The following CRADD variants were observed in gnomAD, a reference collection of about 807,000 sequenced individuals.
CRADD encodes the protein CARD and death domain containing adaptor protein, also known as death domain-containing protein CRADD.
Under a neutral mutation model 15.5 loss-of-function variants are expected in CRADD, and 9 were observed. That is an observed-to-expected ratio of 0.58 (90% CI 0.35 to 1.01). The LOEUF (loss-of-function observed/expected upper bound fraction) is 1.01. Ranked by LOEUF, CRADD falls within the 50% of genes least tolerant of loss-of-function variation. The pLI, the probability that CRADD is intolerant of heterozygous loss-of-function variation, is 0.02. For missense variants in CRADD, 227 were observed against 250.3 expected (o/e 0.91, Z 0.63); for synonymous variants, 118 against 107.6 (o/e 1.10, Z -0.60).
At chr12:93,813,418 A>C (rs4761529) in intron 2 of CRADD, among the ~76,000 whole-genome samples, 2 of 152,262 alleles carry the variant, frequency 1.3e-5, no homozygotes, top group South Asian at 4.1e-4. Context: ...GACACACAGA[A>C]TTTCAAGTAA....
At chr12:93,791,740 CCATAGGTATAAG>C (rs1186342573) in intron 2 of CRADD, among the ~76,000 whole-genome samples, 3 of 151,808 alleles carry the variant, frequency 2.0e-5, no homozygotes, top group Non-Finnish European at 2.9e-5. Flanking sequence ...AGCTAACTAA[CCATAGGTATAAG>C]CATAGGTATA....
intron 2 of CRADD, among the ~76,000 whole-genome samples, chr12:93,803,652 A>ATCTTG (rs1298385285): frequency 6.6e-5 from 10 of 151,754 alleles, no homozygotes; most frequent in Admixed American, 4.0e-4. Context: ...AATTACTTCC[A>ATCTTG]GCTGAAATGG....
chr12:93,880,632 C>T (rs1312181500), intron 2 of CRADD, among the ~76,000 whole-genome samples: 1 of 152,040 alleles, frequency 6.6e-6, no homozygotes, highest in Non-Finnish European at 1.5e-5. Flanking sequence ...CATCTCATCC[C>T]CTCACTCTCC....
At chr12:93,806,144 T>C (rs1390638339) in intron 2 of CRADD, among the ~76,000 whole-genome samples, 2 of 152,016 alleles carry the variant, frequency 1.3e-5, no homozygotes, top group Admixed American at 6.6e-5. Context: ...CCTGGTGTAG[T>C]TGGCCTTTTT....
At chr12:93,742,051 G>A (rs757809940) in intron 2 of CRADD, among the ~76,000 whole-genome samples, 1 of 152,264 alleles carries the variant, frequency 6.6e-6, no homozygotes, top group Non-Finnish European at 1.5e-5. Flanking sequence ...GCTAATGTCA[G>A]CAACCCAAAG....
At chr12:93,815,951 T>C (rs911265211) in intron 2 of CRADD, 5 of 152,176 alleles carry the variant, frequency 3.3e-5, no homozygotes. Context: ...ACCATGAGGA[T>C]AGTAGTGGTA....
chr12:93,854,283 T>C (rs923162), downstream of CRADD, among the ~76,000 whole-genome samples: 43,042 of 152,038 alleles, frequency 0.28, 6,327 homozygotes, highest in East Asian at 0.46. Flanking sequence ...TGGAAAGTAG[T>C]AGGCTATTTC....
chr12:93,817,872 G>A (rs1327196965), intron 2 of CRADD, among the ~76,000 whole-genome samples: 1 of 152,166 alleles, frequency 6.6e-6, no homozygotes, highest in African/African-American at 2.4e-5. Context: ...TATGGGAGCT[G>A]TTGCTACTAC....
In CRADD at chr12:93,810,492, G is replaced by A. The variant is rs577953032; in HGVS notation, c.299-39478G>A. On this transcript the variant is annotated intron_variant, in intron 2 of 2. Transcript: ENST00000332896. ...CTTGAACCCTGGAGGCAGAGGTTCC[G>A]GTGAGCCAAGATTGTACCATTGCAC... Among the ~76,000 whole-genome samples, 11 of 137,492 alleles carry A rather than the reference G, an allele frequency of 8.0e-5. No homozygotes were observed. The East Asian group carries it at 9.0e-4, about 11-fold the overall frequency. The allele number at this position is 137,492 out of a possible 152,430, so 90.2% of individuals were successfully genotyped here.
chr12:93,691,201 C>T (rs1448240032), intron 2 of CRADD, among the ~76,000 whole-genome samples: 2 of 151,822 alleles, frequency 1.3e-5, no homozygotes, highest in South Asian at 2.1e-4. Context: ...GAGACAGAAA[C>T]CACACAGTAA....
intron 2 of CRADD, among the ~76,000 whole-genome samples, chr12:93,710,254 T>C (rs144813237): frequency 2.0e-5 from 3 of 152,282 alleles, no homozygotes; most frequent in African/African-American, 7.2e-5. Context: ...TAATATCTCA[T>C]TTCCCCTGGT....
intron 2 of CRADD, among the ~76,000 whole-genome samples, chr12:93,723,653 T>C (rs755570815): frequency 6.6e-6 from 1 of 152,214 alleles, no homozygotes; most frequent in Non-Finnish European, 1.5e-5. Flanking sequence ...TCTTTCTCTA[T>C]TGCAAAAACC....
intron 2 of CRADD, among the ~76,000 whole-genome samples, chr12:93,757,112 A>T (rs779972027): frequency 1.3e-5 from 2 of 152,212 alleles, no homozygotes; most frequent in Non-Finnish European, 1.5e-5. Context: ...TTACTAAAAC[A>T]TACGTATATT....
intron 2 of CRADD, among the ~76,000 whole-genome samples, chr12:93,703,487 G>C (rs777934014): frequency 6.6e-6 from 1 of 151,072 alleles, no homozygotes; most frequent in Non-Finnish European, 1.5e-5. Flanking sequence ...CAACCTCCCA[G>C]TTAGCTGGGA....
chr12:93,723,831 A>T (rs967314168), intron 2 of CRADD, among the ~76,000 whole-genome samples: 1 of 152,094 alleles, frequency 6.6e-6, no homozygotes, highest in Non-Finnish European at 1.5e-5. Context: ...CTTAGGTGGG[A>T]CAGGGTCGCT....
intron 2 of CRADD, among the ~76,000 whole-genome samples, chr12:93,829,580 C>T (rs1158109762): frequency 6.6e-6 from 1 of 152,192 alleles, no homozygotes; most frequent in Non-Finnish European, 1.5e-5. Flanking sequence ...TGAAACACAT[C>T]TACGGGCCAA....
At chr12:93,743,910 T>C (rs1250553561) in intron 2 of CRADD, among the ~76,000 whole-genome samples, 1 of 152,192 alleles carries the variant, frequency 6.6e-6, no homozygotes, top group Non-Finnish European at 1.5e-5. Context: ...TATGGTAGTT[T>C]TGTTTTCTAT....
chr12:93,744,211 G>A (rs1956721243), intron 2 of CRADD, among the ~76,000 whole-genome samples: 1 of 152,216 alleles, frequency 6.6e-6, no homozygotes. Flanking sequence ...GCCTGGACTT[G>A]TACCTGTAGG....
At chr12:93,798,994 C>A (rs1467192870) in intron 2 of CRADD, among the ~76,000 whole-genome samples, 1 of 151,460 alleles carries the variant, frequency 6.6e-6, no homozygotes, top group Non-Finnish European at 1.5e-5. Context: ...GAGGGACTCC[C>A]AGGAACATAA....
Sources: allele counts gnomAD v4.1 joint callset (sites outside exome capture counted in the v4.1 genomes callset), GRCh38; gene constraint gnomAD v4.1.1; transcripts MANE v1.5; gene names NCBI Gene and HGNC (gene_info 2026-07-23, HGNC 2026-07-21).